Variants in POFUT3 observed in about 807,000 individuals in gnomAD.
The protein encoded by POFUT3 is GDP-fucose protein O-fucosyltransferase 3.
At chr8:33,346,163 GAAAAAA>G in the POFUT3 span, among the ~76,000 whole-genome samples, 6 of 138,408 alleles carry the variant, frequency 4.3e-5, no homozygotes, top group African/African-American at 1.6e-4. Context: ...GCAGTGGAAA[GAAAAAA>G]AAAAAAAAAA....
chr8:33,341,130 CAGAGCACTA>C, the POFUT3 span, among the ~76,000 whole-genome samples: 5 of 151,966 alleles, frequency 3.3e-5, no homozygotes, highest in Non-Finnish European at 5.9e-5. Context: ...AAATCAATAA[CAGAGCACTA>C]AGAGAAAAAT....
chr8:33,417,894 G>A, the POFUT3 span, among the ~76,000 whole-genome samples: 170 of 152,226 alleles, frequency 1.1e-3, no homozygotes, highest in African/African-American at 3.7e-3. Flanking sequence ...AAGGAGTTGC[G>A]GAGAGAACCC....
chr8:33,459,962 G>A, the POFUT3 span, among the ~76,000 whole-genome samples: 4 of 152,164 alleles, frequency 2.6e-5, no homozygotes, highest in Non-Finnish European at 4.4e-5. Context: ...TTGGGAGGCC[G>A]AGGCGGGTGG....
the POFUT3 span, among the ~76,000 whole-genome samples, chr8:33,324,714 A>AC: frequency 1.7e-4 from 25 of 148,696 alleles, 1 homozygote; most frequent in African/African-American, 4.4e-4. Flanking sequence ...TATTATTTGC[A>AC]CCCCCCCAAC....
chr8:33,435,560 A>G, the POFUT3 span, among the ~76,000 whole-genome samples: 14 of 151,938 alleles, frequency 9.2e-5, no homozygotes, highest in South Asian at 1.9e-3. Context: ...TCTGTCACCC[A>G]GGCTAGAGTG....
the POFUT3 span, among the ~76,000 whole-genome samples, chr8:33,380,135 TACTATATATATAC>T: frequency 1.3e-4 from 8 of 59,592 alleles, no homozygotes; most frequent in Admixed American, 2.7e-4. Flanking sequence ...TATATATATA[TACTATATATATAC>T]ACTATATATA....
chr8:33,396,550 A>G, the POFUT3 span, among the ~76,000 whole-genome samples: 1 of 152,092 alleles, frequency 6.6e-6, no homozygotes, highest in African/African-American at 2.4e-5. Flanking sequence ...CTAGGCTTCT[A>G]TTTTCCCTTC....
chr8:33,412,787 C>G, the POFUT3 span, among the ~76,000 whole-genome samples: 5 of 152,150 alleles, frequency 3.3e-5, no homozygotes, highest in Admixed American at 1.3e-4. Context: ...ACCATCATAC[C>G]CAGCTAATTT....
At chr8:33,357,348 T>C in the POFUT3 span, among the ~76,000 whole-genome samples, 1 of 152,102 alleles carries the variant, frequency 6.6e-6, no homozygotes, top group African/African-American at 2.4e-5. Flanking sequence ...CAAAAGGTTT[T>C]GATCTTCTTT....
chr8:33,323,180 T>C, the POFUT3 span, among the ~76,000 whole-genome samples: 1 of 152,186 alleles, frequency 6.6e-6, no homozygotes. Context: ...GGCATGTGTC[T>C]GAGTCATGAC....
At chr8:33,426,488 C>T in the POFUT3 span, among the ~76,000 whole-genome samples, 3 of 152,246 alleles carry the variant, frequency 2.0e-5, no homozygotes, top group East Asian at 5.8e-4. Flanking sequence ...CATTGACAAG[C>T]TTACAAAATT....
chr8:33,414,438 T>C, the POFUT3 span, among the ~76,000 whole-genome samples: 1 of 152,194 alleles, frequency 6.6e-6, no homozygotes, highest in Non-Finnish European at 1.5e-5. Context: ...CTCTGCCCTA[T>C]GAAGAGAGTA....
the POFUT3 span, among the ~76,000 whole-genome samples, chr8:33,396,521 A>T: frequency 2.0e-5 from 3 of 151,904 alleles, no homozygotes; most frequent in Non-Finnish European, 4.4e-5. Flanking sequence ...CTTGGTTCTA[A>T]CCCCTTGTTA....
chr8:33,310,084 C>G, the POFUT3 span, among the ~76,000 whole-genome samples: 1 of 152,254 alleles, frequency 6.6e-6, no homozygotes, highest in South Asian at 2.1e-4. Flanking sequence ...ATTTGAGAAA[C>G]TACTTTCATG....
chr8:33,343,699 G>T, the POFUT3 span, among the ~76,000 whole-genome samples: 2 of 152,154 alleles, frequency 1.3e-5, no homozygotes, highest in Admixed American at 6.5e-5. Flanking sequence ...TACTTGTTCA[G>T]TTATTTTTTA....
the POFUT3 span, among the ~76,000 whole-genome samples, chr8:33,367,298 C>T: frequency 6.6e-6 from 1 of 152,188 alleles, no homozygotes; most frequent in African/African-American, 2.4e-5. Context: ...CATTCTTAAG[C>T]CACAAACAAT....
the POFUT3 span, among the ~76,000 whole-genome samples, chr8:33,341,084 A>C: frequency 6.6e-6 from 1 of 152,308 alleles, no homozygotes; most frequent in South Asian, 2.1e-4. Flanking sequence ...GGAATCATAC[A>C]AAATGGGTTC....
chr8:33,449,464 A>G, the POFUT3 span, among the ~76,000 whole-genome samples: 1 of 151,712 alleles, frequency 6.6e-6, no homozygotes, highest in East Asian at 1.9e-4. Context: ...TAATTTTTGT[A>G]TCTTTAGTAG....
At chr8:33,425,602 G>A in the POFUT3 span, among the ~76,000 whole-genome samples, 1 of 151,984 alleles carries the variant, frequency 6.6e-6, no homozygotes, top group African/African-American at 2.4e-5. Flanking sequence ...CAGAGGAAGG[G>A]GGAGGGTGGA....
Sources: gnomAD v4.1 joint callset for allele counts (sites outside exome capture counted in the v4.1 genomes callset) on GRCh38, gnomAD v4.1.1 for gene constraint, MANE v1.5 for transcripts, NCBI Gene and HGNC (gene_info 2026-07-23, HGNC 2026-07-21) for gene names.